Variants in LZTFL1 observed in about 807,000 individuals in gnomAD.
LZTFL1 encodes the protein leucine zipper transcription factor like 1, also known as leucine zipper transcription factor-like protein 1.
Under a neutral mutation model 45.9 loss-of-function variants are expected in LZTFL1, and 25 were observed. The ratio of observed to expected loss-of-function variants is 0.54; its 90% CI spans 0.40 to 0.76. LZTFL1 has a LOEUF of 0.76. Among genes scored for constraint, LZTFL1 ranks in the 30% least tolerant of loss-of-function variants. LZTFL1 has a pLI of 0.00. For synonymous variants in LZTFL1, 93 were observed against 117.4 expected, an observed-to-expected ratio of 0.79 and a Z score of 1.35; for missense variants, 277 against 331.1, an observed-to-expected ratio of 0.84 and a Z score of 1.27.
Position 45,901,622 on chromosome 3 carries a change from C to T in LZTFL1, c.-215+11498G>A, listed in dbSNP as rs1461264473. 1 of 1,614,218 alleles carries T rather than the reference C, an allele frequency of 6.2e-7. No homozygotes were observed. Among genetic ancestry groups the T allele is most frequent in the Admixed American group, 1.7e-5 (1 of 60,030 alleles). On this transcript the variant is annotated intron_variant, in intron 2 of 4. Coordinates refer to the LZTFL1 transcript ENST00000472635. This position sits in a 1 kb window ranked among gnomAD's most constrained non-coding sequence, Gnocchi z 4.3. ...ACAACTGCATTTTGTTGGTGCAGAC[C>T]ATTGACGCCTATGCCATGTTCATCT...
At chr3:45,839,751 T>A (rs376042454) in intron 1 of LZTFL1, among the ~76,000 whole-genome samples, 72 of 152,330 alleles carry the variant, frequency 4.7e-4, no homozygotes, top group African/African-American at 1.7e-3. Flanking sequence ...ACCAATATAA[T>A]GTCACTGAAT....
intron 2 of LZTFL1, among the ~76,000 whole-genome samples, chr3:45,866,744 C>T (rs1701583554): frequency 6.6e-6 from 1 of 152,174 alleles, no homozygotes; most frequent in Non-Finnish European, 1.5e-5. Context: ...TAATATTCAG[C>T]TTTGTGTATA....
chr3:45,861,227 C>A (rs1011622055), intron 2 of LZTFL1, among the ~76,000 whole-genome samples: 39 of 142,812 alleles, frequency 2.7e-4, no homozygotes, highest in East Asian at 4.1e-4. Context: ...AAAAAAAAAA[C>A]CCCAAAAACT....
chr3:45,882,730 C>T (rs1423987083), intron 2 of LZTFL1, among the ~76,000 whole-genome samples: 1 of 151,914 alleles, frequency 6.6e-6, no homozygotes, highest in Admixed American at 6.6e-5. Flanking sequence ...GTTTCTAGTC[C>T]ACAGTTATTC....
intron 2 of LZTFL1, among the ~76,000 whole-genome samples, chr3:45,862,516 A>G (rs1339418782): frequency 6.6e-6 from 1 of 152,240 alleles, no homozygotes; most frequent in Non-Finnish European, 1.5e-5. Flanking sequence ...TTTCACAACA[A>G]CAACAACACT....
chr3:45,828,703 G>A, intron 7 of LZTFL1, 88 bp from the exon 8 acceptor site: 2 of 1,158,920 alleles, frequency 1.7e-6, no homozygotes, highest in African/African-American at 1.5e-5. Flanking sequence ...CATAGGAGAT[G>A]AAAAAAATGA....
intron 2 of LZTFL1, among the ~76,000 whole-genome samples, chr3:45,911,075 G>T (rs921548390): frequency 6.6e-6 from 1 of 152,188 alleles, no homozygotes; most frequent in African/African-American, 2.4e-5. Context: ...GGCTTCCCCT[G>T]TGCAAGAGAA....
chr3:45,912,848 G>A (rs373843674), intron 2 of LZTFL1, among the ~76,000 whole-genome samples: 131 of 152,176 alleles, frequency 8.6e-4, no homozygotes, highest in African/African-American at 3.1e-3. Context: ...TTTAAGCCAC[G>A]GTTTTGAGGT....
Position 45,867,399 on chromosome 3 carries a change from C to T in LZTFL1, c.-214-8383G>A, listed in dbSNP as rs552721390. On this transcript the variant is annotated intron_variant, in intron 2 of 4. Transcript: ENST00000472635. Reference sequence around the variant, plus strand: ...TCTTGTGCCAGAACTGTCCTTGGCTCCTGCCAAATTCCCGCAATTCAAGTT... The same window carrying T: ...TCTTGTGCCAGAACTGTCCTTGGCTTCTGCCAAATTCCCGCAATTCAAGTT... Among the ~76,000 whole-genome samples, 4 of 152,214 alleles carry T rather than the reference C, an allele frequency of 2.6e-5. No individual in the cohort carries two copies. The South Asian group carries it at 8.3e-4, about 32-fold the overall frequency.
At chr3:45,842,664 C>A (rs1358448805), upstream of LZTFL1, among the ~76,000 whole-genome samples, 1 of 152,030 alleles carries the variant, frequency 6.6e-6, no homozygotes, top group Non-Finnish European at 1.5e-5. Flanking sequence ...CAACATTTTT[C>A]CATTTAAAAA....
intron 3 of LZTFL1, among the ~76,000 whole-genome samples, chr3:45,857,451 C>T (rs1701411560): frequency 6.6e-6 from 1 of 151,984 alleles, no homozygotes; most frequent in African/African-American, 2.4e-5. Flanking sequence ...TTGATAAGTG[C>T]AGCAAACCAC....
intron 2 of LZTFL1, among the ~76,000 whole-genome samples, chr3:45,879,217 G>A (rs1266247368): frequency 1.3e-5 from 2 of 152,136 alleles, no homozygotes; most frequent in African/African-American, 2.4e-5. Context: ...AGATGTTCAC[G>A]GCAACTTTAT....
At chr3:45,913,668 T>G (rs1218863161) in intron 1 of LZTFL1, among the ~76,000 whole-genome samples, 1 of 152,196 alleles carries the variant, frequency 6.6e-6, no homozygotes, top group African/African-American at 2.4e-5. Flanking sequence ...TAGTCATAAT[T>G]GAAGGAAGAC....
chr3:45,886,038 A>G (rs996629069), intron 2 of LZTFL1, among the ~76,000 whole-genome samples: 1 of 152,168 alleles, frequency 6.6e-6, no homozygotes, highest in Non-Finnish European at 1.5e-5. Flanking sequence ...ATTTTAATTA[A>G]TTTGAATTTA....
intron 3 of LZTFL1, chr3:45,834,537 C>T: frequency 5.6e-6 from 2 of 355,494 alleles, no homozygotes; most frequent in Non-Finnish European, 1.0e-5. Context: ...GCAATATCTA[C>T]TGCTAGAAAT....
chr3:45,894,442 G>A (rs903497658), intron 2 of LZTFL1, among the ~76,000 whole-genome samples: 2 of 152,130 alleles, frequency 1.3e-5, no homozygotes, highest in African/African-American at 2.4e-5. Flanking sequence ...TTCTCAAAGC[G>A]ACCACTGTCC....
At chr3:45,834,362 G>T in intron 3 of LZTFL1, 64 bp from the exon 4 acceptor site, 2 of 1,096,040 alleles carry the variant, frequency 1.8e-6, no homozygotes, top group Admixed American at 4.1e-5. Flanking sequence ...CACGCAAGAA[G>T]AGTAAAATCA....
At position 45,835,793 on chromosome 3, in the gene LZTFL1, C is replaced by T; in HGVS notation, c.129-9G>A. On this transcript the variant is annotated splice_polypyrimidine_tract_variant and intron_variant, in intron 2 of 9. Coordinates refer to ENST00000296135, the MANE Select transcript of LZTFL1 (RefSeq NM_020347.4). ...AGGTGTCCTCCACCAGCCTGAAAAACAACCATGATCCAAAACTTATAGAAA... is the reference window on the plus strand; with the variant it reads ...AGGTGTCCTCCACCAGCCTGAAAAATAACCATGATCCAAAACTTATAGAAA... 6.3e-7 allele frequency: 1 copy of T among 1,579,792 alleles called. No homozygotes were observed. The highest frequency in any genetic ancestry group is 2.3e-5 in the East Asian group (1 of 44,312).
chr3:45,837,544 C>T (rs1700998052), intron 2 of LZTFL1, among the ~76,000 whole-genome samples: 2 of 152,194 alleles, frequency 1.3e-5, no homozygotes. Flanking sequence ...CAGTATGAAA[C>T]ACAGAAGTGT....
Sources: gnomAD v4.1 joint callset for allele counts (sites outside exome capture counted in the v4.1 genomes callset) on GRCh38, gnomAD v4.1.1 for gene constraint, Gnocchi (gnomAD v3.1) non-coding constraint, MANE v1.5 for transcripts, NCBI Gene and HGNC (gene_info 2026-07-23, HGNC 2026-07-21) for gene names.